The following EML2 variants were observed in gnomAD, a reference collection of about 807,000 sequenced individuals.
EML2 encodes echinoderm microtubule-associated protein-like 2.
In EML2, 59 loss-of-function variants were observed where a neutral mutation model predicts 84.7. That is an observed-to-expected ratio of 0.70 (90% CI 0.56 to 0.86). The LOEUF (loss-of-function observed/expected upper bound fraction) is 0.86. Ranked by LOEUF, EML2 falls within the 40% of genes least tolerant of loss-of-function variation. EML2 has a pLI of 0.00. For missense variants in EML2, 818 were observed against 855.6 expected, an observed-to-expected ratio of 0.96 and a Z score of 0.55; for synonymous variants, 352 against 348.9, an observed-to-expected ratio of 1.01 and a Z score of -0.10.
upstream of EML2, among the ~76,000 whole-genome samples, chr19:45,643,303 C>T (rs1974754385): frequency 6.6e-6 from 1 of 152,222 alleles, no homozygotes; most frequent in South Asian, 2.1e-4. Flanking sequence ...TGGCGGCGGA[C>T]TTGGGGGTTG....
chr19:45,621,747 CA>C, intron 9 of EML2, 110 bp from the exon 10 acceptor site: 30 of 1,276,420 alleles, frequency 2.4e-5, no homozygotes, highest in South Asian at 7.6e-5. Context: ...CCCACTTTTC[CA>C]CCTTTTTTTT....
Position 45,615,798 on chromosome 19 carries a change from T to C in EML2, c.1597+4A>G. ...GTAATGTCTCTGGGTCCCGGAGAAC[T>C]CACAGTACAGAATCTCATAGTCCCC... On this transcript the variant is annotated splice_donor_region_variant and intron_variant, in intron 16 of 18. Transcript: ENST00000245925. 6.2e-7 allele frequency: 1 copy of C among 1,612,218 alleles called. No homozygotes were observed. The highest frequency in any genetic ancestry group is 8.5e-7 in the Non-Finnish European group (1 of 1,178,596).
rs1266104762 is a variant in EML2 at position 45,634,472 on chromosome 19, C to G, written c.180-1G>C. ...GCAGTCTCGGCCACGGTAGCCATAG[C>G]TGGAGCCACCCAGGGGCTGGTTAAG... On this transcript the variant is annotated splice_acceptor_variant, in intron 3 of 18. Transcript: ENST00000245925. LOFTEE classifies it high-confidence loss of function. 3.1e-6 allele frequency: 5 copies of G among 1,610,920 alleles called. No homozygotes were observed. The African/African-American group carries it at 4.0e-5, about 13-fold the overall frequency.
At chr19:45,637,896 C>G (rs1051396112) in intron 3 of EML2, among the ~76,000 whole-genome samples, 4 of 152,066 alleles carry the variant, frequency 2.6e-5, no homozygotes, top group African/African-American at 9.7e-5. Context: ...AGGCTGGTCT[C>G]AAACTCCTGA....
chr19:45,643,641 G>T (rs1974800040), upstream of EML2: 4 of 1,536,120 alleles, frequency 2.6e-6, 1 homozygote, highest in South Asian at 4.8e-5. Context: ...AAGTAAAGGT[G>T]GTAGCTTAGA....
At chr19:45,638,328 C>A (rs1449346681) in intron 3 of EML2, among the ~76,000 whole-genome samples, 177 bp downstream of exon 3, 1 of 152,186 alleles carries the variant, frequency 6.6e-6, no homozygotes, top group Non-Finnish European at 1.5e-5. Flanking sequence ...CCCACTCTGG[C>A]CACATAGCCC....
chr19:45,619,158 G>A lies in EML2; in HGVS notation c.1156C>T (p.His386Tyr), dbSNP rs747282596. The change falls in exon 12 of 19, where the codon CAC becomes TAC. Residue 386 changes from histidine to tyrosine, a missense_variant. Coordinates refer to ENST00000245925, the MANE Select transcript of EML2 (RefSeq NM_012155.4). ...GTCACAAACTGGGCCCGACTGGGGT[G>A]TGTGGCCAGGCCCCACAGCTCTTCC... Reference protein sequence around the residue: ...HVEELWGLATHPSRAQFVTCG... With the variant: ...HVEELWGLATYPSRAQFVTCG... 2 of 1,611,760 alleles carry A rather than the reference G, an allele frequency of 1.2e-6. No homozygotes were observed. The highest frequency in any genetic ancestry group is 1.3e-5 in the African/African-American group (1 of 74,844).
chr19:45,621,142 A>G (rs2122659973), intron 11 of EML2, 65 bp downstream of exon 11: 1 of 1,578,634 alleles, frequency 6.3e-7, no homozygotes, highest in East Asian at 2.3e-5. Flanking sequence ...GGGGGAGTGG[A>G]TGATGCAGGG....
intron 10 of EML2, 26 bp downstream of exon 10, chr19:45,621,457 C>T: frequency 6.2e-7 from 1 of 1,602,980 alleles, no homozygotes; most frequent in African/African-American, 1.3e-5. Context: ...TCTCTACCCC[C>T]ATCTGAGCCC....
intron 9 of EML2, among the ~76,000 whole-genome samples, chr19:45,622,126 A>C (rs1471233956): frequency 6.6e-6 from 1 of 152,074 alleles, no homozygotes; most frequent in Non-Finnish European, 1.5e-5. Flanking sequence ...ACAATACCTT[A>C]TCATCTATTC....
upstream of EML2, among the ~76,000 whole-genome samples, chr19:45,639,650 A>C (rs181267723): frequency 5.3e-5 from 8 of 152,274 alleles, no homozygotes; most frequent in South Asian, 1.4e-3. Context: ...AGCAGTGTAC[A>C]CAGGTCGTCC....
Position 45,609,431 on chromosome 19 carries a change from T to A in EML2, c.*232A>T. The A allele has an allele frequency of 2.4e-6, 1 of 415,370 alleles. No individual in the cohort carries two copies. The highest frequency in any genetic ancestry group is 4.1e-5 in the South Asian group (1 of 24,098). The allele number at this position is 415,370 out of a possible 1,614,324, so 25.7% of individuals were successfully genotyped here. On this transcript the variant is annotated 3_prime_UTR_variant, in exon 19 of 19. Coordinates refer to ENST00000245925, the MANE Select transcript of EML2 (RefSeq NM_012155.4). ...TACGTGTCTTTATTTCTGGATGATA[T>A]AAAAGAAAAAACTTAAAAAACACCC...
At chr19:45,629,613 C>T (rs1043437505) in intron 7 of EML2, among the ~76,000 whole-genome samples, 122 of 150,362 alleles carry the variant, frequency 8.1e-4, no homozygotes, top group African/African-American at 1.8e-3. Context: ...CGTGAGCCAC[C>T]GTGCCCGGCC....
rs777325409 is a variant in EML2 at position 45,614,695 on chromosome 19, G to C, written c.1603C>G (p.Pro535Ala). The change falls in exon 17 of 19, where the codon CCG becomes GCG. Residue 535 changes from proline (P) to alanine (A), a missense_variant. Pro to Ala is a conservative substitution (Grantham distance 27, BLOSUM62 -1). Coordinates refer to ENST00000245925, the MANE Select transcript of EML2 (RefSeq NM_012155.4). Reference sequence around the variant, plus strand: ...CTGGTGATCTGCTTACAGGTAGCCGGGTCCCCTGGGGCAGAAAATGGGAGG... The same window carrying C: ...CTGGTGATCTGCTTACAGGTAGCCGCGTCCCCTGGGGCAGAAAATGGGAGG... ...SGDYEILYWDPATCKQITSAD... is the reference protein window; with the variant it reads ...SGDYEILYWDAATCKQITSAD... 1.2e-6 allele frequency: 2 copies of C among 1,613,674 alleles called. No homozygotes were observed. Among genetic ancestry groups the C allele is most frequent in the Non-Finnish European group, 1.7e-6 (2 of 1,179,708 alleles).
In EML2 at chr19:45,634,242, A is replaced by T. The variant is rs1693461726; in HGVS notation, c.329+80T>A. The T allele has an allele frequency of 1.9e-6, 3 of 1,591,012 alleles. No individual in the cohort carries two copies. The South Asian group carries it at 3.3e-5, about 18-fold the overall frequency. Reference sequence around the variant, plus strand: ...CCAAACCCCACAGGGTAGCAATGTGAAAAGAGGCATAGAGGGGCAGGGGCT... The same window carrying T: ...CCAAACCCCACAGGGTAGCAATGTGTAAAGAGGCATAGAGGGGCAGGGGCT... On this transcript the variant is annotated intron_variant, in intron 4 of 18. Coordinates refer to ENST00000245925, the MANE Select transcript of EML2 (RefSeq NM_012155.4).
chr19:45,636,137 A>T (rs1474739693), intron 3 of EML2, among the ~76,000 whole-genome samples: 1 of 151,836 alleles, frequency 6.6e-6, no homozygotes, highest in Non-Finnish European at 1.5e-5. Context: ...TGCCCAGCAA[A>T]TTTTTTGTAT....
At chr19:45,632,758 G>T in intron 6 of EML2, 103 bp downstream of exon 6, 1 of 1,000,110 alleles carries the variant, frequency 1.0e-6, no homozygotes, top group Non-Finnish European at 1.5e-6. Context: ...CACGCCTCCA[G>T]CAGGATTCCC....
chr19:45,625,979 C>T (rs142004623), intron 8 of EML2, among the ~76,000 whole-genome samples: 22 of 151,524 alleles, frequency 1.5e-4, no homozygotes, highest in Non-Finnish European at 2.8e-4. Flanking sequence ...TGGGCTCAAG[C>T]GGTCCTCCCA....
In EML2 at chr19:45,609,674, G is replaced by A. The variant is rs542537075; in HGVS notation, c.1939C>T (p.Arg647Trp). The A allele has an allele frequency of 2.7e-4, 433 of 1,603,690 alleles. 5 individuals are homozygous for A. In the South Asian group the frequency reaches 4.5e-3, roughly 17 times the overall value. Residue 647 changes from arginine (R) to tryptophan (W), a missense_variant, in exon 19 of 19, where the codon CGG becomes TGG. Physicochemically the swap from Arg to Trp is moderately radical, Grantham distance 101 (BLOSUM62 -3). Coordinates refer to ENST00000245925, the MANE Select transcript of EML2 (RefSeq NM_012155.4). ...GGKDTSVLQWRVV is the reference protein window; with the variant it reads ...GGKDTSVLQWWVV The stretch of plus-strand genomic sequence containing the variant: ...CTTCCCTGGCCGCATCAGACCACCC[G>A]CCACTGTAGCACACTGGTGTCCTTG...
Sources: gnomAD v4.1 joint callset for allele counts (sites outside exome capture counted in the v4.1 genomes callset) on GRCh38, gnomAD v4.1.1 for gene constraint, MANE v1.5 for transcripts, NCBI Gene and HGNC (gene_info 2026-07-23, HGNC 2026-07-21) for gene names.